The following PDE4D variants were observed in gnomAD, a reference collection of about 807,000 sequenced individuals.
The protein encoded by PDE4D is 3',5'-cyclic-AMP phosphodiesterase 4D.
In PDE4D, 24 loss-of-function variants were observed where a neutral mutation model predicts 87.4. That is an observed-to-expected ratio of 0.27 (90% confidence interval 0.20 to 0.39). PDE4D has a LOEUF of 0.39. Ranked by LOEUF, PDE4D falls within the 10% of genes least tolerant of loss-of-function variation. PDE4D has a pLI of 1.00. For missense variants in PDE4D, 714 were observed against 1,041.0 expected, an observed-to-expected ratio of 0.69 and a Z score of 4.32; for synonymous variants, 384 against 383.2, an observed-to-expected ratio of 1.00 and a Z score of -0.02.
At chr5:60,107,315 T>C (rs1388878583) in intron 2 of PDE4D, among the ~76,000 whole-genome samples, 4 of 151,950 alleles carry the variant, frequency 2.6e-5, no homozygotes, top group Admixed American at 1.3e-4. Flanking sequence ...CGGGAAGAAG[T>C]TGAATCTCTG....
chr5:59,086,965 A>G (rs917057951), intron 5 of PDE4D, among the ~76,000 whole-genome samples: 1 of 152,046 alleles, frequency 6.6e-6, no homozygotes, highest in African/African-American at 2.4e-5. Context: ...CTACCTCCAC[A>G]TCAACATTTC....
intron 1 of PDE4D, among the ~76,000 whole-genome samples, chr5:60,209,683 A>C (rs1050397273): frequency 6.6e-6 from 1 of 151,956 alleles, no homozygotes; most frequent in Admixed American, 6.6e-5. Flanking sequence ...CAGAGAGATG[A>C]GAAAGAGAGC....
intron 1 of PDE4D, among the ~76,000 whole-genome samples, chr5:59,891,649 T>C (rs1434617415): frequency 6.6e-6 from 1 of 152,166 alleles, no homozygotes; most frequent in African/African-American, 2.4e-5. Context: ...CAAGAACATC[T>C]CCAACAAGGT....
In PDE4D at chr5:60,297,676, T is replaced by C. The variant is rs866225104; in HGVS notation, c.-89-111989A>G. ...GAAATACACTTTATAATAAAATTGCTGGTATTATCCTATAACCAAAGGTTA... is the reference window on the plus strand; with the variant it reads ...GAAATACACTTTATAATAAAATTGCCGGTATTATCCTATAACCAAAGGTTA... On this transcript the variant is annotated intron_variant, in intron 1 of 16. Transcript: ENST00000502484. Among the ~76,000 whole-genome samples the C allele has an allele frequency of 2.6e-5, 4 of 152,336 alleles. No homozygotes were observed. In the South Asian group the frequency reaches 8.3e-4, roughly 32 times the overall value.
At chr5:59,175,448 C>T (rs1327533624) in intron 5 of PDE4D, among the ~76,000 whole-genome samples, 4 of 146,910 alleles carry the variant, frequency 2.7e-5, no homozygotes, top group Admixed American at 6.9e-5. Context: ...TCATCACATT[C>T]GGAACTCTAT....
chr5:59,188,684 C>T (rs568051454), intron 3 of PDE4D, among the ~76,000 whole-genome samples: 1 of 152,268 alleles, frequency 6.6e-6, no homozygotes, highest in African/African-American at 2.4e-5. Flanking sequence ...CGGCGACCCG[C>T]ACTGGGAGAG....
chr5:59,006,496 G>A (rs947144412), intron 6 of PDE4D, among the ~76,000 whole-genome samples: 2 of 151,804 alleles, frequency 1.3e-5, no homozygotes, highest in Non-Finnish European at 2.9e-5. Context: ...GTGGGAGGAT[G>A]GCTTGAGGCC....
chr5:59,410,077 T>C (rs929928984), intron 1 of PDE4D, among the ~76,000 whole-genome samples: 3 of 152,208 alleles, frequency 2.0e-5, no homozygotes, highest in Non-Finnish European at 4.4e-5. Context: ...GTTACAAACA[T>C]TCCAATTATA....
At chr5:59,280,567 T>C (rs1765625449) in intron 1 of PDE4D, among the ~76,000 whole-genome samples, 1 of 152,148 alleles carries the variant, frequency 6.6e-6, no homozygotes. Flanking sequence ...TTCTTTATTC[T>C]AAACTTAAAT....
At chr5:59,560,599 G>A (rs1256544355) in intron 1 of PDE4D, among the ~76,000 whole-genome samples, 1 of 152,214 alleles carries the variant, frequency 6.6e-6, no homozygotes, top group African/African-American at 2.4e-5. Context: ...GTTTTCACAG[G>A]ATGTGGTGAA....
intron 2 of PDE4D, among the ~76,000 whole-genome samples, chr5:60,124,456 CT>C (rs1778952581): frequency 8.8e-6 from 1 of 113,536 alleles, no homozygotes; most frequent in Non-Finnish European, 2.1e-5. Context: ...TAGCCTATTT[CT>C]TTGAAAAAAA....
intron 1 of PDE4D, among the ~76,000 whole-genome samples, chr5:59,658,315 T>C (rs2150272593): frequency 6.6e-6 from 1 of 152,170 alleles, no homozygotes; most frequent in South Asian, 2.1e-4. Context: ...TGATCCTGGG[T>C]TGCTGAATTA....
intron 1 of PDE4D, among the ~76,000 whole-genome samples, chr5:59,329,204 A>T (rs1047954379): frequency 2.7e-5 from 4 of 149,136 alleles, no homozygotes; most frequent in Non-Finnish European, 6.0e-5. Flanking sequence ...TTTCCATGAG[A>T]CTACACCTAA....
intron 3 of PDE4D, among the ~76,000 whole-genome samples, chr5:59,189,250 T>G (rs1328875815): frequency 3.9e-5 from 4 of 103,832 alleles, no homozygotes; most frequent in South Asian, 2.8e-4. Context: ...TTTTGTTTTT[T>G]TTGTTTTTTT....
At chr5:59,719,543 G>A (rs930388994) in intron 1 of PDE4D, among the ~76,000 whole-genome samples, 11 of 152,048 alleles carry the variant, frequency 7.2e-5, no homozygotes, top group Non-Finnish European at 1.2e-4. Context: ...CATTGAATAC[G>A]TAACAGTTAG....
rs142036366 is a variant in PDE4D, at chr5:59,079,235, T to C, written c.809-40264A>G. Among the ~76,000 whole-genome samples the C allele has an allele frequency of 2.5e-3, 383 of 152,316 alleles. 3 individuals carry two copies. The highest frequency in any genetic ancestry group is 8.8e-3 in the African/African-American group (367 of 41,576). ...TTTCTCATATTCTGAATTTTAAAAA[T>C]ATTTTATGACATGAATATATTTATC... is the stretch of plus-strand genomic sequence containing the variant. On this transcript the variant is annotated intron_variant, in intron 5 of 14. Transcript: ENST00000340635.
intron 2 of PDE4D, among the ~76,000 whole-genome samples, chr5:60,091,879 C>T (rs572727411): frequency 2.6e-4 from 40 of 151,348 alleles, no homozygotes; most frequent in East Asian, 7.8e-4. Context: ...GGTGAAACCC[C>T]GTCTCTACTA....
intron 1 of PDE4D, among the ~76,000 whole-genome samples, chr5:59,466,960 A>C (rs1801669675): frequency 6.6e-6 from 1 of 152,168 alleles, no homozygotes; most frequent in Non-Finnish European, 1.5e-5. Context: ...CTATATTTGG[A>C]GACAGGGTTT....
At chr5:60,459,157 C>T (rs1270970881) in intron 1 of PDE4D, among the ~76,000 whole-genome samples, 1 of 152,086 alleles carries the variant, frequency 6.6e-6, no homozygotes, top group African/African-American at 2.4e-5. Context: ...AAAGTCAATT[C>T]CAAATAAGAT....
Sources: allele counts gnomAD v4.1 joint callset (sites outside exome capture counted in the v4.1 genomes callset), GRCh38; gene constraint gnomAD v4.1.1; transcripts MANE v1.5; gene names NCBI Gene and HGNC (gene_info 2026-07-23, HGNC 2026-07-21).